DCLK1: variants seen among roughly 807,000 people sequenced by gnomAD.
DCLK1 encodes the protein doublecortin like kinase 1.
DCLK1 carries 16 observed loss-of-function variants against 86.2 expected under a neutral mutation model. That is an observed-to-expected ratio of 0.19 (90% CI 0.13 to 0.28). The LOEUF is 0.28. DCLK1 is among the 10% of genes least tolerant of loss of function. The pLI is 1.00. For missense variants in DCLK1, 590 were observed against 940.2 expected, an observed-to-expected ratio of 0.63 and a Z score of 4.87; for synonymous variants, 369 against 370.5, an observed-to-expected ratio of 1.00 and a Z score of 0.05.
chr13:35,815,813 T>C (rs780641481), intron 11 of DCLK1, among the ~76,000 whole-genome samples: 1 of 152,044 alleles, frequency 6.6e-6, no homozygotes, highest in Non-Finnish European at 1.5e-5. Flanking sequence ...TGGAAAAACA[T>C]AATAAAAAAA....
In DCLK1 at chr13:36,131,245, C is replaced by T. The variant is rs1886353411; in HGVS notation, c.-151G>A. 1 of 154,954 alleles carries T rather than the reference C, an allele frequency of 6.5e-6. No individual in the cohort carries two copies. The highest frequency in any genetic ancestry group is 1.4e-5 in the Non-Finnish European group (1 of 70,206). 9.6% of individuals were successfully genotyped at this position (154,954 alleles called of 1,614,324 possible). On this transcript the variant is annotated 5_prime_UTR_variant, in exon 1 of 17. Coordinates refer to ENST00000360631, the MANE Select transcript of DCLK1 (RefSeq NM_001330071.2). ...GCTGGGGGGCGGCGGCGGGGCCGGG[C>T]TGGGCGGCAGCAGCTGCTGGAGCGC...
At chr13:35,951,905 G>A (rs1183403906) in intron 3 of DCLK1, among the ~76,000 whole-genome samples, 4 of 152,108 alleles carry the variant, frequency 2.6e-5, no homozygotes, top group Non-Finnish European at 5.9e-5. Context: ...GCAGTGTCTC[G>A]CGTTAGGTGC....
At chr13:36,118,549 A>G (rs1193554678) in intron 2 of DCLK1, among the ~76,000 whole-genome samples, 4 of 152,078 alleles carry the variant, frequency 2.6e-5, no homozygotes. Flanking sequence ...CTTTGCACAT[A>G]TTAAATTTGA....
Position 35,879,138 on chromosome 13 carries a change from C to G in DCLK1, c.824-7798G>C, listed in dbSNP as rs9531129. Among the ~76,000 whole-genome samples the G allele has an allele frequency of 1.0e-2, 1,522 of 152,252 alleles. 13 individuals carry two copies. The highest frequency in any genetic ancestry group is 0.016 in the Non-Finnish European group (1,091 of 68,028). On this transcript the variant is annotated intron_variant, in intron 4 of 16. Coordinates refer to ENST00000360631, the MANE Select transcript of DCLK1 (RefSeq NM_001330071.2). ...AGTGAAAAAGAAGGCATGGGACAGACTGAATTGGAGACAAAGGCATCAGCT... is the reference window on the plus strand; with the variant it reads ...AGTGAAAAAGAAGGCATGGGACAGAGTGAATTGGAGACAAAGGCATCAGCT...
chr13:35,882,608 T>C (rs1050427446), intron 4 of DCLK1, among the ~76,000 whole-genome samples: 8 of 152,216 alleles, frequency 5.3e-5, no homozygotes, highest in African/African-American at 1.9e-4. Context: ...TCCCTTTTCT[T>C]TGGGTGCATT....
At chr13:35,853,490 C>T (rs959880981) in intron 6 of DCLK1, among the ~76,000 whole-genome samples, 7 of 152,164 alleles carry the variant, frequency 4.6e-5, no homozygotes, top group African/African-American at 1.7e-4. Context: ...AATCTCCCCG[C>T]CCCGCACTCT....
chr13:35,794,438 G>T lies in DCLK1; in HGVS notation c.1945-959C>A, dbSNP rs189898521. Among the ~76,000 whole-genome samples the T allele has an allele frequency of 3.1e-3, 467 of 152,282 alleles. 2 individuals are homozygous for T. Among genetic ancestry groups the T allele is most frequent in the African/African-American group, 0.011 (437 of 41,538 alleles). The stretch of plus-strand genomic sequence containing the variant: ...TTTTCTTCTTCCTCTCCATCATTTT[G>T]CAGGTAATTTCTTGGTTCCACCCAG... On this transcript the variant is annotated intron_variant, in intron 15 of 16. Coordinates refer to ENST00000360631, the MANE Select transcript of DCLK1 (RefSeq NM_001330071.2).
intron 3 of DCLK1, among the ~76,000 whole-genome samples, chr13:35,981,937 T>G (rs894901775): frequency 1.3e-5 from 2 of 152,180 alleles, no homozygotes; most frequent in African/African-American, 4.8e-5. Flanking sequence ...ATTCTCCACA[T>G]CCTTGCCAAC....
intron 2 of DCLK1, among the ~76,000 whole-genome samples, chr13:36,125,111 T>C (rs777405541): frequency 6.6e-6 from 1 of 152,104 alleles, no homozygotes; most frequent in Non-Finnish European, 1.5e-5. Flanking sequence ...ACTATTAACC[T>C]AAATTGGACT....
At chr13:35,870,136 C>T (rs181155771) in intron 5 of DCLK1, among the ~76,000 whole-genome samples, 3 of 152,276 alleles carry the variant, frequency 2.0e-5, no homozygotes, top group Admixed American at 1.3e-4. Context: ...TGCTCTGAAA[C>T]GTATTTCCTG....
At chr13:36,127,791 T>C (rs1886240463) in intron 1 of DCLK1, among the ~76,000 whole-genome samples, 1 of 152,212 alleles carries the variant, frequency 6.6e-6, no homozygotes. Context: ...GCAAGCTGAC[T>C]GGAGGACCAG....
At chr13:35,984,827 C>T (rs1322896992) in intron 3 of DCLK1, among the ~76,000 whole-genome samples, 2 of 152,172 alleles carry the variant, frequency 1.3e-5, no homozygotes, top group African/African-American at 4.8e-5. Flanking sequence ...CCTATCTCCC[C>T]AACCCCTTCC....
intron 3 of DCLK1, among the ~76,000 whole-genome samples, chr13:35,949,906 T>C (rs1877572373): frequency 7.0e-6 from 1 of 143,842 alleles, no homozygotes; most frequent in Non-Finnish European, 1.5e-5. Context: ...TCCAAGAATA[T>C]AAAAGGAATG....
At chr13:36,005,239 C>T (rs1880898584) in intron 3 of DCLK1, among the ~76,000 whole-genome samples, 1 of 151,980 alleles carries the variant, frequency 6.6e-6, no homozygotes, top group African/African-American at 2.4e-5. Flanking sequence ...TTTAAAAGTG[C>T]TTGTAAGAGT....
intron 3 of DCLK1, among the ~76,000 whole-genome samples, chr13:36,068,709 T>A (rs1182710268): frequency 6.6e-6 from 1 of 152,162 alleles, no homozygotes; most frequent in African/African-American, 2.4e-5. Context: ...TCAAATTAAA[T>A]GTGTTCTCCA....
At chr13:35,922,515 C>T (rs1025634724) in intron 4 of DCLK1, among the ~76,000 whole-genome samples, 1 of 152,134 alleles carries the variant, frequency 6.6e-6, no homozygotes, top group African/African-American at 2.4e-5. Flanking sequence ...TTTGACTGTA[C>T]AATGTAACTG....
intron 5 of DCLK1, among the ~76,000 whole-genome samples, chr13:35,870,184 A>G (rs1872165694): frequency 6.6e-6 from 1 of 152,284 alleles, no homozygotes; most frequent in Admixed American, 6.5e-5. Flanking sequence ...GGAAGGAGGC[A>G]TTGGCAGCCC....
intron 15 of DCLK1, among the ~76,000 whole-genome samples, chr13:35,793,736 A>AT (rs397958439): frequency 2.6e-5 from 4 of 151,858 alleles, no homozygotes; most frequent in Admixed American, 2.0e-4. Context: ...AAAAAAAAAA[A>AT]TTTCTGTTTT....
At chr13:35,913,751 G>C (rs1593727031) in intron 4 of DCLK1, among the ~76,000 whole-genome samples, 1 of 152,106 alleles carries the variant, frequency 6.6e-6, no homozygotes, top group Non-Finnish European at 1.5e-5. Flanking sequence ...GGGTGTGTAA[G>C]TGTTTCAGAA....
Sources: allele counts gnomAD v4.1 joint callset (sites outside exome capture counted in the v4.1 genomes callset), GRCh38; gene constraint gnomAD v4.1.1; transcripts MANE v1.5; gene names NCBI Gene and HGNC (gene_info 2026-07-23, HGNC 2026-07-21).